ETV1: variants seen among roughly 807,000 people sequenced by gnomAD.
ETV1 encodes ETS translocation variant 1.
Under a neutral mutation model 62.3 loss-of-function variants are expected in ETV1, and 27 were observed. That is an observed-to-expected ratio of 0.43 (90% CI 0.32 to 0.60). The LOEUF (loss-of-function observed/expected upper bound fraction) is 0.60, where lower values mean the gene tolerates loss of function less well. ETV1 is among the 20% of genes least tolerant of loss of function. The probability of loss-of-function intolerance (pLI) is 0.06; values close to 1 mark genes in which losing one functional copy is unlikely to be tolerated. For missense variants in ETV1, 605 were observed against 605.8 expected, an observed-to-expected ratio of 1.00 and a Z score of 0.01; for synonymous variants, 222 against 199.6, an observed-to-expected ratio of 1.11 and a Z score of -0.94.
chr7:13,944,354 C>G (rs1787910807), intron 6 of ETV1, among the ~76,000 whole-genome samples: 1 of 152,178 alleles, frequency 6.6e-6, no homozygotes, highest in Non-Finnish European at 1.5e-5. Context: ...AGCTCACTTC[C>G]TGGTTCACAG....
At chr7:13,984,217 A>G (rs558474381) in intron 5 of ETV1, among the ~76,000 whole-genome samples, 2 of 152,088 alleles carry the variant, frequency 1.3e-5, no homozygotes, top group African/African-American at 4.8e-5. Context: ...ATCTTTTTTA[A>G]AAGGGTCAAG....
chr7:13,930,823 C>T (rs57010313), intron 9 of ETV1, among the ~76,000 whole-genome samples: 9 of 151,454 alleles, frequency 5.9e-5, no homozygotes, highest in East Asian at 2.0e-4. Flanking sequence ...ATTTTTGAGA[C>T]GGAGTCTCTC....
chr7:13,901,150 G>A (rs1260758408), intron 12 of ETV1, among the ~76,000 whole-genome samples: 1 of 152,044 alleles, frequency 6.6e-6, no homozygotes, highest in African/African-American at 2.4e-5. Context: ...GATTACAGGT[G>A]GGCCCCACCA....
intron 9 of ETV1, among the ~76,000 whole-genome samples, chr7:13,928,883 G>A (rs1413548327): frequency 2.0e-5 from 3 of 152,202 alleles, no homozygotes; most frequent in South Asian, 2.1e-4. Flanking sequence ...GCTTGGACCC[G>A]GGGGTCGGAG....
At chr7:13,899,469 A>G (rs1400108988) in intron 13 of ETV1, among the ~76,000 whole-genome samples, 1 of 152,224 alleles carries the variant, frequency 6.6e-6, no homozygotes, top group Admixed American at 6.5e-5. Flanking sequence ...TCAATAGACA[A>G]TGTTCTAGGA....
intron 6 of ETV1, among the ~76,000 whole-genome samples, chr7:13,952,587 T>G (rs936199876): frequency 6.6e-6 from 1 of 152,056 alleles, no homozygotes. Flanking sequence ...TAGAAAGAGG[T>G]ACATGTAATA....
intron 6 of ETV1, among the ~76,000 whole-genome samples, chr7:13,954,298 T>A (rs1369406948): frequency 6.6e-6 from 1 of 152,236 alleles, no homozygotes; most frequent in Non-Finnish European, 1.5e-5. Context: ...CAGAGCAGTA[T>A]AATTCTAAAT....
chr7:13,896,000 G>A lies in ETV1; in HGVS notation c.1300C>T (p.Leu434=), dbSNP rs1781736945. ...MAFPDNQRPL[L]KTDMERHINE... is the part of the protein sequence containing the mutation. ...ATGTGACGTTCCATGTCTGTCTTCA[G>A]CAGTGGACGCTGATTATCTGGAAAG... Residue 434 remains leucine, a synonymous_variant, in exon 14 of 14, where the codon CTG becomes TTG. Transcript: ENST00000430479. 5 of 1,613,730 alleles carry A rather than the reference G, an allele frequency of 3.1e-6. No homozygotes were observed. The highest frequency in any genetic ancestry group is 4.2e-6 in the Non-Finnish European group (5 of 1,179,786).
At chr7:13,896,225 G>C in intron 13 of ETV1, 138 bp from the exon 14 acceptor site, 4 of 572,694 alleles carry the variant, frequency 7.0e-6, no homozygotes, top group Admixed American at 3.1e-5. Context: ...ACAACTAATA[G>C]CAGATACACA....
intron 8 of ETV1, among the ~76,000 whole-genome samples, chr7:13,932,828 A>G (rs1786348847): frequency 6.6e-6 from 1 of 152,216 alleles, no homozygotes; most frequent in Non-Finnish European, 1.5e-5. Flanking sequence ...TAATTTGGAA[A>G]GTTAGCATTT....
chr7:13,929,371 G>C (rs1172770934), intron 9 of ETV1, among the ~76,000 whole-genome samples: 1 of 152,170 alleles, frequency 6.6e-6, no homozygotes, highest in Non-Finnish European at 1.5e-5. Context: ...CAAGCAAACT[G>C]ATAAATAAGG....
chr7:13,938,608 C>T (rs980030728), intron 7 of ETV1, among the ~76,000 whole-genome samples: 2 of 152,186 alleles, frequency 1.3e-5, no homozygotes, highest in African/African-American at 4.8e-5. Flanking sequence ...CTGCACCACC[C>T]TTTATTATCA....
chr7:13,905,772 C>T (rs1013347188), intron 12 of ETV1, among the ~76,000 whole-genome samples: 1 of 152,116 alleles, frequency 6.6e-6, no homozygotes. Context: ...ACATTTTAAA[C>T]TTCATCCCAA....
At chr7:13,917,445 G>C (rs1784309086) in intron 9 of ETV1, among the ~76,000 whole-genome samples, 1 of 151,756 alleles carries the variant, frequency 6.6e-6, no homozygotes, top group African/African-American at 2.4e-5. Flanking sequence ...AGCCTCCCTA[G>C]TAGCTGGGAT....
chr7:13,913,448 T>G (rs565205671), intron 9 of ETV1, among the ~76,000 whole-genome samples: 91 of 152,276 alleles, frequency 6.0e-4, no homozygotes, highest in Admixed American at 1.2e-3. Flanking sequence ...CCCAACTTCC[T>G]CATCTGTAAA....
In ETV1 at chr7:13,989,474, C is replaced by G. The variant is rs1782860457; in HGVS notation, c.-284-10G>C. 2.5e-6 allele frequency: 1 copy of G among 403,526 alleles called. No homozygotes were observed. The highest frequency in any genetic ancestry group is 2.1e-5 in the African/African-American group (1 of 48,602). The allele number at this position is 403,526 out of a possible 1,614,324, so 25.0% of individuals were successfully genotyped here. A position where few individuals can be genotyped will look rare whatever the true frequency, so the allele number is the denominator to read the frequency against. On this transcript the variant is annotated splice_polypyrimidine_tract_variant and intron_variant, in intron 1 of 13. Coordinates refer to ENST00000430479, the MANE Select transcript of ETV1 (RefSeq NM_004956.5). The stretch of plus-strand genomic sequence containing the variant: ...TTTGCACCTAACGGGACTAAAGAGA[C>G]GGAGACACCTCTTTCATCAGGATAG...
chr7:13,942,294 A>T (rs1389594125), intron 6 of ETV1, among the ~76,000 whole-genome samples: 2 of 152,164 alleles, frequency 1.3e-5, no homozygotes, highest in Admixed American at 6.5e-5. Flanking sequence ...AAATGCTGGC[A>T]TTACAGGCAT....
chr7:13,928,776 G>T (rs1000041552), intron 9 of ETV1, among the ~76,000 whole-genome samples: 13 of 152,098 alleles, frequency 8.5e-5, no homozygotes, highest in African/African-American at 3.1e-4. Flanking sequence ...TGGCCACCAT[G>T]GTGAAACCCC....
chr7:13,935,464 A>G (rs961443609), intron 8 of ETV1, among the ~76,000 whole-genome samples: 1 of 152,244 alleles, frequency 6.6e-6, no homozygotes, highest in African/African-American at 2.4e-5. Context: ...CTCAAATGTC[A>G]GTAGATAGAT....
Sources: gnomAD v4.1 joint callset for allele counts (sites outside exome capture counted in the v4.1 genomes callset) on GRCh38, gnomAD v4.1.1 for gene constraint, MANE v1.5 for transcripts, NCBI Gene and HGNC (gene_info 2026-07-23, HGNC 2026-07-21) for gene names.